The following LIMCH1 variants were observed in gnomAD, a reference collection of about 807,000 sequenced individuals.
LIMCH1 encodes LIM and calponin homology domains-containing protein 1.
Under a neutral mutation model 176.5 loss-of-function variants are expected in LIMCH1, and 113 were observed. That is an observed-to-expected ratio of 0.64 (90% CI 0.55 to 0.75). The LOEUF (loss-of-function observed/expected upper bound fraction) is 0.75. Ranked by LOEUF, LIMCH1 falls within the 30% of genes least tolerant of loss-of-function variation. LIMCH1 has a pLI of 0.00. For synonymous variants in LIMCH1, 619 were observed against 645.9 expected, an observed-to-expected ratio of 0.96 and a Z score of 0.63; for missense variants, 1,674 against 1,814.9, an observed-to-expected ratio of 0.92 and a Z score of 1.41.
In LIMCH1 at chr4:41,699,158, A is replaced by G. The variant is rs1443415464; in HGVS notation, c.*1973A>G. On this transcript the variant is annotated 3_prime_UTR_variant, in exon 32 of 32. Coordinates refer to ENST00000503057, the MANE Select transcript of LIMCH1 (RefSeq NM_001330672.2). ...CACTAGTAATGCACAAACATGTACA[A>G]TATGGTCATTCATAACCGATTTTTA... The G allele has an allele frequency of 6.6e-6, 1 of 152,194 alleles. No individual in the cohort carries two copies. Among genetic ancestry groups the G allele is most frequent in the East Asian group, 1.9e-4 (1 of 5,194 alleles). 9.4% of individuals were successfully genotyped at this position (152,194 alleles called of 1,614,324 possible).
chr4:41,365,420 C>T (rs1398765824), intron 1 of LIMCH1, among the ~76,000 whole-genome samples: 2 of 152,142 alleles, frequency 1.3e-5, no homozygotes, highest in Non-Finnish European at 2.9e-5. Context: ...TGTTGTTTGG[C>T]AGTAGGGAAA....
intron 1 of LIMCH1, among the ~76,000 whole-genome samples, chr4:41,490,450 G>A (rs1188994587): frequency 6.6e-6 from 1 of 152,026 alleles, no homozygotes; most frequent in Non-Finnish European, 1.5e-5. Context: ...TTGTGTCCCT[G>A]GGTGCTTGAG....
At chr4:41,572,982 TA>T (rs1232421905) in intron 1 of LIMCH1, among the ~76,000 whole-genome samples, 1 of 152,174 alleles carries the variant, frequency 6.6e-6, no homozygotes, top group East Asian at 1.9e-4. Flanking sequence ...GTTTCTGCAT[TA>T]GGGGTTATGT....
intron 1 of LIMCH1, among the ~76,000 whole-genome samples, chr4:41,538,806 C>T (rs2078254336): frequency 6.6e-6 from 1 of 152,032 alleles, no homozygotes. Context: ...ACTCCACAGC[C>T]CCCTTTGCTT....
chr4:41,360,026 GGTGTGTGTGTGTGTGT>G (rs35179191), upstream of LIMCH1, among the ~76,000 whole-genome samples: 4 of 145,774 alleles, frequency 2.7e-5, no homozygotes, highest in Non-Finnish European at 4.5e-5. This position sits in a 1 kb window ranked among gnomAD's most constrained non-coding sequence, Gnocchi z 4.5. Context: ...GGGTGTGTAG[GGTGTGTGTGTGTGTGT>G]GTGTGTGTGT....
chr4:41,402,137 AC>A (rs1374441402), intron 1 of LIMCH1, among the ~76,000 whole-genome samples: 1 of 152,078 alleles, frequency 6.6e-6, no homozygotes, highest in African/African-American at 2.4e-5. Flanking sequence ...CAAGAAAAAA[AC>A]AAACAACCCC....
intron 17 of LIMCH1, 144 bp downstream of exon 17, chr4:41,647,037 C>G: frequency 1.3e-6 from 1 of 794,560 alleles, no homozygotes; most frequent in Non-Finnish European, 2.0e-6. Flanking sequence ...AGTCATAGGT[C>G]TCTGGAGATT....
chr4:41,584,838 A>G (rs1030954780), intron 1 of LIMCH1, among the ~76,000 whole-genome samples: 1 of 152,214 alleles, frequency 6.6e-6, no homozygotes, highest in Non-Finnish European at 1.5e-5. Flanking sequence ...AATACTATAG[A>G]CTAGGTGGCT....
chr4:41,691,469 G>A (rs1343330165), intron 30 of LIMCH1, among the ~76,000 whole-genome samples: 2 of 152,036 alleles, frequency 1.3e-5, no homozygotes, highest in Admixed American at 6.6e-5. Context: ...ACAGCAGGCT[G>A]GGCACGGTGG....
intron 3 of LIMCH1, among the ~76,000 whole-genome samples, chr4:41,530,432 C>T (rs1327362737): frequency 6.6e-6 from 1 of 152,134 alleles, no homozygotes; most frequent in Non-Finnish European, 1.5e-5. Context: ...ACCTTCCCTC[C>T]AGTGGTTTAT....
At chr4:41,673,070 A>C (rs1479890003) in intron 22 of LIMCH1, among the ~76,000 whole-genome samples, 2 of 152,160 alleles carry the variant, frequency 1.3e-5, no homozygotes, top group African/African-American at 4.8e-5. Flanking sequence ...CTGTAGGTAA[A>C]TTGTCTCACT....
intron 3 of LIMCH1, among the ~76,000 whole-genome samples, chr4:41,526,532 CCT>C (rs773656083): frequency 1.2e-4 from 18 of 152,180 alleles, no homozygotes; most frequent in South Asian, 6.2e-4. Context: ...CCCGCAACCC[CCT>C]GTTATGTTCA....
In LIMCH1 at chr4:41,431,186, T is replaced by C. The variant is rs114387757; in HGVS notation, c.97-63350T>C. On this transcript the variant is annotated intron_variant, in intron 1 of 26. Coordinates refer to the LIMCH1 transcript ENST00000313860. ...GTCTAGACATGAAATGAAAAATGAT[T>C]ATGTAATCTGTTTCCCTTCTTCTCT... 6.2e-3 allele frequency among the ~76,000 whole-genome samples: 943 copies of C among 152,322 alleles called. 11 individuals are homozygous for C. The highest frequency in any genetic ancestry group is 0.022 in the African/African-American group (902 of 41,566).
intron 3 of LIMCH1, among the ~76,000 whole-genome samples, chr4:41,604,759 A>G (rs898958284): frequency 3.3e-5 from 5 of 152,108 alleles, no homozygotes; most frequent in Admixed American, 1.3e-4. Context: ...ATCTCTGGAA[A>G]TTTATTTGTA....
At chr4:41,512,790 G>A (rs959992276) in intron 2 of LIMCH1, among the ~76,000 whole-genome samples, 1 of 152,316 alleles carries the variant, frequency 6.6e-6, no homozygotes, top group East Asian at 1.9e-4. Context: ...TGGATTTGGG[G>A]CTTCTGCTAG....
chr4:41,540,377 C>T (rs2078468282), intron 1 of LIMCH1, among the ~76,000 whole-genome samples: 1 of 152,126 alleles, frequency 6.6e-6, no homozygotes, highest in Non-Finnish European at 1.5e-5. Flanking sequence ...TTGAATATTT[C>T]CCTAAAATCA....
intron 1 of LIMCH1, among the ~76,000 whole-genome samples, chr4:41,571,051 G>C (rs1341294881): frequency 6.6e-6 from 1 of 152,128 alleles, no homozygotes; most frequent in Non-Finnish European, 1.5e-5. Flanking sequence ...GAGAATTGAA[G>C]TCAGATTGTG....
chr4:41,553,086 T>C (rs960032114), intron 1 of LIMCH1, among the ~76,000 whole-genome samples: 2 of 152,184 alleles, frequency 1.3e-5, no homozygotes, highest in African/African-American at 2.4e-5. Context: ...TACAAGAATC[T>C]CTTCTCTCCC....
chr4:41,578,198 A>G (rs923365370), intron 1 of LIMCH1, among the ~76,000 whole-genome samples: 1 of 152,186 alleles, frequency 6.6e-6, no homozygotes, highest in East Asian at 1.9e-4. Flanking sequence ...GAAACTTACA[A>G]TCATGGCGTA....
Sources: gnomAD v4.1 joint callset for allele counts (sites outside exome capture counted in the v4.1 genomes callset) on GRCh38, gnomAD v4.1.1 for gene constraint, Gnocchi (gnomAD v3.1) non-coding constraint, MANE v1.5 for transcripts, NCBI Gene and HGNC (gene_info 2026-07-23, HGNC 2026-07-21) for gene names.